Variants in ITPRID1 observed in about 807,000 individuals in gnomAD.
ITPRID1 encodes protein ITPRID1.
Under a neutral mutation model 95.4 loss-of-function variants are expected in ITPRID1, and 96 were observed. The observed-to-expected ratio is 1.01, with a 90% confidence interval of 0.85 to 1.19. The LOEUF (loss-of-function observed/expected upper bound fraction) is 1.19, where lower values mean the gene tolerates loss of function less well. ITPRID1 is among the 50% of genes most tolerant of loss of function. The pLI is 0.00. For missense variants in ITPRID1, 1,339 were observed against 1,252.9 expected (o/e 1.07, Z -1.04); for synonymous variants, 510 against 453.6 (o/e 1.12, Z -1.58).
At chr7:31,546,323 AT>A (rs1244475024) in intron 1 of ITPRID1, among the ~76,000 whole-genome samples, 2 of 152,220 alleles carry the variant, frequency 1.3e-5, no homozygotes, top group East Asian at 3.9e-4. Flanking sequence ...TACTCCAATA[AT>A]TTTTGTAAAA....
chr7:31,527,270 T>G (rs1783450673), intron 1 of ITPRID1, among the ~76,000 whole-genome samples: 1 of 152,178 alleles, frequency 6.6e-6, no homozygotes, highest in African/African-American at 2.4e-5. Context: ...ATGTTAAAAC[T>G]GCGCCTCTTC....
rs371421598 is a variant in ITPRID1, at chr7:31,578,145, G to A, written c.881G>A (p.Gly294Glu). 2 of 1,613,612 alleles carry A rather than the reference G, an allele frequency of 1.2e-6. No homozygotes were observed. Among genetic ancestry groups the A allele is most frequent in the Middle Eastern group, 1.6e-4 (1 of 6,084 alleles). ...CCCTTTACAAAACCATGGGATTGTGGAGCAGAGCTAGCAGCAACCTCAATC... is the reference window on the plus strand; with the variant it reads ...CCCTTTACAAAACCATGGGATTGTGAAGCAGAGCTAGCAGCAACCTCAATC... ...FVPFTKPWDC[G>E]AELAATSINH... Residue 294 changes from glycine to glutamate, a missense_variant, in exon 9 of 15, where the codon GGA becomes GAA. Physicochemically the swap from Gly to Glu is moderately conservative, Grantham distance 98. Coordinates refer to ENST00000615280, the MANE Select transcript of ITPRID1 (RefSeq NM_001257967.3).
At chr7:31,576,135 G>A (rs1456754297) in intron 8 of ITPRID1, among the ~76,000 whole-genome samples, 4 of 152,114 alleles carry the variant, frequency 2.6e-5, no homozygotes, top group Non-Finnish European at 5.9e-5. Context: ...ACTAGGAGTT[G>A]GCCCCTGATT....
intron 10 of ITPRID1, among the ~76,000 whole-genome samples, chr7:31,637,125 C>G (rs977266054): frequency 6.6e-6 from 1 of 151,934 alleles, no homozygotes; most frequent in African/African-American, 2.4e-5. Context: ...TTTTCTTAAT[C>G]CAGTCTATCG....
chr7:31,643,798 C>A lies in ITPRID1; in HGVS notation c.2428C>A (p.His810Asn). 1 of 1,613,840 alleles carries A rather than the reference C, an allele frequency of 6.2e-7. No homozygotes were observed. Among genetic ancestry groups the A allele is most frequent in the Non-Finnish European group, 8.5e-7 (1 of 1,179,786 alleles). Reference sequence around the variant, plus strand: ...ACCTGCCCACTGCTGCATCTGCTGTCATCACCACCCTCACTGCCACGGGGA... The same window carrying A: ...ACCTGCCCACTGCTGCATCTGCTGTAATCACCACCCTCACTGCCACGGGGA... ...AIPAHCCICC[H>N]HHPHCHGERQ... Residue 810 changes from histidine to asparagine, a missense_variant, in exon 12 of 15, where the codon CAT becomes AAT. By Grantham distance (68) the His-to-Asn change is moderately conservative (BLOSUM62 1). Transcript: ENST00000615280.
Position 31,643,063 on chromosome 7 carries a change from C to T in ITPRID1, c.1693C>T (p.Pro565Ser). The T allele has an allele frequency of 6.2e-7, 1 of 1,614,012 alleles. No homozygotes were observed. Among genetic ancestry groups the T allele is most frequent in the Non-Finnish European group, 8.5e-7 (1 of 1,179,890 alleles). The stretch of plus-strand genomic sequence containing the variant: ...CACAGCCACTTCCAAATATGATCAT[C>T]CTCTGGGGTTTATGGTAACCCACGT... ...RPTATSKYDH[P>S]LGFMVTHVTE... is the part of the protein sequence containing the mutation. The change falls in exon 12 of 15, where the codon CCT (proline) becomes TCT (serine). Residue 565 changes from proline (P) to serine (S), a missense_variant. Pro to Ser is a moderately conservative substitution (Grantham distance 74, BLOSUM62 -1). Transcript: ENST00000615280.
At chr7:31,547,466 G>A (rs1235121146) in intron 1 of ITPRID1, among the ~76,000 whole-genome samples, 4 of 122,776 alleles carry the variant, frequency 3.3e-5, no homozygotes, top group African/African-American at 1.0e-4. Flanking sequence ...GTGGGGGAAA[G>A]CCCCCTAAAA....
intron 2 of ITPRID1, among the ~76,000 whole-genome samples, chr7:31,552,375 T>G (rs1784309537): frequency 2.6e-5 from 4 of 151,426 alleles, no homozygotes; most frequent in South Asian, 2.1e-4. Flanking sequence ...ATTGTGACAA[T>G]TATATTACTT....
chr7:31,639,107 G>A (rs1789766699), intron 10 of ITPRID1, among the ~76,000 whole-genome samples: 1 of 152,084 alleles, frequency 6.6e-6, no homozygotes, highest in African/African-American at 2.4e-5. Flanking sequence ...CCTTGGTGTA[G>A]TTTTCTTCAT....
chr7:31,647,144 C>T (rs937870707), intron 12 of ITPRID1, among the ~76,000 whole-genome samples: 9 of 152,186 alleles, frequency 5.9e-5, no homozygotes, highest in African/African-American at 1.4e-4. Flanking sequence ...GACAGGAGAC[C>T]GCTTAAAGAC....
chr7:31,629,138 G>T (rs1788763985), intron 10 of ITPRID1, among the ~76,000 whole-genome samples: 1 of 152,046 alleles, frequency 6.6e-6, no homozygotes, highest in Non-Finnish European at 1.5e-5. Context: ...GTAAGCACTG[G>T]ATCTAAATTA....
chr7:31,643,710 C>A lies in ITPRID1; in HGVS notation c.2340C>A (p.Thr780=), dbSNP rs769522510. The A allele has an allele frequency of 2.5e-6, 4 of 1,613,956 alleles. No individual in the cohort carries two copies. The highest frequency in any genetic ancestry group is 2.7e-5 in the African/African-American group (2 of 74,956). ...KTLTHGPQPL[T]KSVSLDSGFS... ...TGACACATGGGCCCCAGCCCCTCAC[C>A]AAATCCGTCTCTCTAGACTCAGGCT... The change falls in exon 12 of 15, where the codon ACC becomes ACA. Residue 780 remains threonine, a synonymous_variant. Coordinates refer to ENST00000615280, the MANE Select transcript of ITPRID1 (RefSeq NM_001257967.3).
intron 10 of ITPRID1, among the ~76,000 whole-genome samples, chr7:31,602,332 T>A (rs1175838879): frequency 8.5e-5 from 13 of 152,192 alleles, no homozygotes; most frequent in Non-Finnish European, 4.4e-5. Context: ...AATTAAAAAT[T>A]CACTCTACAG....
chr7:31,542,895 G>A (rs1275508841), intron 1 of ITPRID1, among the ~76,000 whole-genome samples: 2 of 152,084 alleles, frequency 1.3e-5, no homozygotes, highest in African/African-American at 4.8e-5. Context: ...GGACTGAAAG[G>A]TCCCACAGCT....
chr7:31,642,586 G>T, intron 11 of ITPRID1, 96 bp from the exon 12 acceptor site: 1 of 1,111,510 alleles, frequency 9.0e-7, no homozygotes, highest in Admixed American at 2.7e-5. Context: ...CTTATCTCCT[G>T]ACTCCTAAGG....
intron 10 of ITPRID1, among the ~76,000 whole-genome samples, chr7:31,591,755 T>C (rs1341917688): frequency 2.6e-5 from 4 of 152,194 alleles, no homozygotes; most frequent in Non-Finnish European, 5.9e-5. Context: ...CAGTTGTCTT[T>C]GGGGAATTTT....
At chr7:31,528,337 T>TC (rs2128129292) in intron 1 of ITPRID1, among the ~76,000 whole-genome samples, 1 of 152,336 alleles carries the variant, frequency 6.6e-6, no homozygotes, top group South Asian at 2.1e-4. Flanking sequence ...AGAATGAAGC[T>TC]ATTAAAATAA....
chr7:31,534,638 CT>C (rs1783703464), intron 1 of ITPRID1, among the ~76,000 whole-genome samples: 2 of 152,076 alleles, frequency 1.3e-5, no homozygotes, highest in Admixed American at 1.3e-4. Context: ...TTCAACGTCT[CT>C]CTGTGTCTGT....
intron 10 of ITPRID1, among the ~76,000 whole-genome samples, chr7:31,626,106 C>T (rs1788443293): frequency 6.6e-6 from 1 of 151,988 alleles, no homozygotes; most frequent in Non-Finnish European, 1.5e-5. Flanking sequence ...GTAAACTTGG[C>T]AAAAACATGT....
Sources: gnomAD v4.1 joint callset for allele counts (sites outside exome capture counted in the v4.1 genomes callset) on GRCh38, gnomAD v4.1.1 for gene constraint, MANE v1.5 for transcripts, NCBI Gene and HGNC (gene_info 2026-07-23, HGNC 2026-07-21) for gene names.